Variants in GALNT13 observed in about 807,000 individuals in gnomAD.
GALNT13 encodes UDP-GalNAc:polypeptide N-acetylgalactosaminyltransferase 13.
Under a neutral mutation model 64.2 loss-of-function variants are expected in GALNT13, and 28 were observed. That is an observed-to-expected ratio of 0.44 (90% CI 0.32 to 0.60). The LOEUF is 0.60. Ranked by LOEUF, GALNT13 falls within the 20% of genes least tolerant of loss-of-function variation. GALNT13 has a pLI of 0.05. For synonymous variants in GALNT13, 214 were observed against 224.6 expected (o/e 0.95, Z 0.42); for missense variants, 577 against 669.8 (o/e 0.86, Z 1.53).
chr2:153,889,771 T>C (rs72863621), intron 1 of GALNT13, among the ~76,000 whole-genome samples: 24,615 of 151,140 alleles, frequency 0.16, 2,379 homozygotes, highest in East Asian at 0.26. Context: ...TAAATGTAGC[T>C]AGTGATTTTG....
the GALNT13 span, among the ~76,000 whole-genome samples, chr2:153,625,557 C>T: frequency 8.5e-5 from 13 of 152,222 alleles, no homozygotes; most frequent in East Asian, 2.5e-3. Context: ...GAACTGCTTA[C>T]CACAAAGTAG....
the GALNT13 span, among the ~76,000 whole-genome samples, chr2:153,301,144 C>A: frequency 6.6e-6 from 1 of 151,656 alleles, no homozygotes. Context: ...TGGAGTGAGC[C>A]GTGATCATGC....
At chr2:154,372,787 T>G (rs527676372) in intron 9 of GALNT13, among the ~76,000 whole-genome samples, 201 of 149,046 alleles carry the variant, frequency 1.3e-3, no homozygotes, top group Non-Finnish European at 2.7e-3. Flanking sequence ...TTCAGCATAT[T>G]TGAGTTTTCA....
chr2:153,746,917 G>T, the GALNT13 span, among the ~76,000 whole-genome samples: 111 of 151,984 alleles, frequency 7.3e-4, no homozygotes, highest in African/African-American at 2.5e-3. Flanking sequence ...CAAGGCTTTT[G>T]TTCATTTTTG....
chr2:153,167,627 G>T, the GALNT13 span, among the ~76,000 whole-genome samples: 2 of 152,116 alleles, frequency 1.3e-5, no homozygotes, highest in African/African-American at 4.8e-5. Flanking sequence ...TCATTCTTCT[G>T]TGTCTTCCAG....
chr2:154,338,520 C>T (rs1332159500), intron 9 of GALNT13, among the ~76,000 whole-genome samples: 1 of 152,064 alleles, frequency 6.6e-6, no homozygotes, highest in East Asian at 1.9e-4. Flanking sequence ...TTACTGTACT[C>T]ACAGATTCCT....
chr2:153,542,357 C>A, the GALNT13 span, among the ~76,000 whole-genome samples: 420 of 62,208 alleles, frequency 6.8e-3, 3 homozygotes, highest in African/African-American at 0.029. Flanking sequence ...CACACACACA[C>A]ACAAAAAAAA....
chr2:154,257,326 G>T (rs1274095894), intron 7 of GALNT13, among the ~76,000 whole-genome samples: 2 of 152,018 alleles, frequency 1.3e-5, no homozygotes, highest in African/African-American at 4.8e-5. Flanking sequence ...AAGTAGATGG[G>T]CACTCTGAAC....
intron 3 of GALNT13, among the ~76,000 whole-genome samples, chr2:154,124,587 A>G (rs2105526080): frequency 6.6e-6 from 1 of 152,136 alleles, no homozygotes; most frequent in South Asian, 2.1e-4. Flanking sequence ...AAGTCATGGA[A>G]TTAGAAAGTA....
At chr2:153,960,319 G>A (rs1179967018) in intron 3 of GALNT13, among the ~76,000 whole-genome samples, 1 of 152,126 alleles carries the variant, frequency 6.6e-6, no homozygotes, top group African/African-American at 2.4e-5. Flanking sequence ...GCTGATGCAG[G>A]GCAGGAGAGC....
At chr2:154,143,198 G>C (rs1344726239) in intron 4 of GALNT13, among the ~76,000 whole-genome samples, 1 of 152,126 alleles carries the variant, frequency 6.6e-6, no homozygotes, top group Non-Finnish European at 1.5e-5. Flanking sequence ...CGCATGCGCA[G>C]TTCACAATAG....
At chr2:153,792,162 TC>T in the GALNT13 span, among the ~76,000 whole-genome samples, 13 of 152,194 alleles carry the variant, frequency 8.5e-5, no homozygotes, top group Admixed American at 5.9e-4. Flanking sequence ...TCAGTATTTT[TC>T]TATATGTATG....
At chr2:153,532,132 C>T in the GALNT13 span, among the ~76,000 whole-genome samples, 3 of 152,128 alleles carry the variant, frequency 2.0e-5, no homozygotes, top group Non-Finnish European at 4.4e-5. Flanking sequence ...CACCGCACTT[C>T]CCTAGTAGAG....
rs536921819 is a variant in GALNT13 at position 154,305,370 on chromosome 2, A to G, written c.1156+3781A>G. On this transcript the variant is annotated intron_variant, in intron 9 of 12. Transcript: ENST00000392825. ...CACAGTTAGAACTATATCCTTTACT[A>G]TAATACACATGCACACACAAACACA... 1.1e-4 allele frequency among the ~76,000 whole-genome samples: 17 copies of G among 151,320 alleles called. No homozygotes were observed. The South Asian group carries it at 1.7e-3, about 15-fold the overall frequency.
At chr2:153,577,975 C>A in the GALNT13 span, among the ~76,000 whole-genome samples, 1 of 151,484 alleles carries the variant, frequency 6.6e-6, no homozygotes, top group Admixed American at 6.6e-5. Flanking sequence ...ATTCTAGGAG[C>A]TTTTAATCAA....
At chr2:153,220,491 C>T in the GALNT13 span, among the ~76,000 whole-genome samples, 1 of 152,240 alleles carries the variant, frequency 6.6e-6, no homozygotes, top group African/African-American at 2.4e-5. Flanking sequence ...TCAGTAAACA[C>T]ACTGCGCATG....
At chr2:153,708,183 A>C in the GALNT13 span, among the ~76,000 whole-genome samples, 18 of 152,282 alleles carry the variant, frequency 1.2e-4, no homozygotes, top group African/African-American at 4.1e-4. Context: ...AGTATTTTAC[A>C]TCATAAGAGA....
At chr2:154,306,386 T>A (rs1252403908) in intron 9 of GALNT13, among the ~76,000 whole-genome samples, 1 of 151,936 alleles carries the variant, frequency 6.6e-6, no homozygotes, top group Non-Finnish European at 1.5e-5. Context: ...CACTCATGAG[T>A]GAGAACATGC....
chr2:153,311,595 C>T, the GALNT13 span, among the ~76,000 whole-genome samples: 25 of 152,178 alleles, frequency 1.6e-4, no homozygotes, highest in Admixed American at 1.0e-3. Context: ...GGAGGATCCA[C>T]GACCGTGCCT....
Sources: gnomAD v4.1 joint callset for allele counts (sites outside exome capture counted in the v4.1 genomes callset) on GRCh38, gnomAD v4.1.1 for gene constraint, MANE v1.5 for transcripts, NCBI Gene and HGNC (gene_info 2026-07-23, HGNC 2026-07-21) for gene names.